The following UTP20 variants were observed in gnomAD, a reference collection of about 807,000 sequenced individuals.
The protein encoded by UTP20 is small subunit processome component 20 homolog.
UTP20 carries 164 observed loss-of-function variants against 329.5 expected under a neutral mutation model. The ratio of observed to expected loss-of-function variants is 0.50; its 90% CI spans 0.44 to 0.57. The LOEUF is 0.57. Among genes scored for constraint, UTP20 ranks in the 20% least tolerant of loss-of-function variants. The probability of loss-of-function intolerance (pLI) is 0.00; values close to 1 mark genes in which losing one functional copy is unlikely to be tolerated. For missense variants in UTP20, 3,055 were observed against 3,284.2 expected (o/e 0.93, Z 1.71); for synonymous variants, 1,151 against 1,159.3 (o/e 0.99, Z 0.14).
At chr12:101,331,654 T>G (rs186775329) in intron 27 of UTP20, among the ~76,000 whole-genome samples, 2 of 152,338 alleles carry the variant, frequency 1.3e-5, no homozygotes, top group Non-Finnish European at 2.9e-5. Context: ...ATTATCAGAT[T>G]TTCATGATAA....
At position 101,295,650 on chromosome 12, in the gene UTP20, G is replaced by A. The variant is rs1872322757; in HGVS notation, c.1422G>A (p.Gln474=). 6.2e-7 allele frequency: 1 copy of A among 1,601,788 alleles called. No homozygotes were observed. Among genetic ancestry groups the A allele is most frequent in the African/African-American group, 1.3e-5 (1 of 74,758 alleles). The change falls in exon 12 of 62, where the codon CAG becomes CAA. Residue 474 remains glutamine (Q), a synonymous_variant. Transcript: ENST00000261637. The part of the protein sequence containing the change: ...IEKYPLVFSP[Q]MVGFYIKQKK... ...AGTACCCTCTGGTTTTCTCACCGCA[G>A]ATGGTGGGGTGAGTTCTAACTTTTT...
At chr12:101,359,611 G>A (rs980230568) in intron 43 of UTP20, among the ~76,000 whole-genome samples, 1 of 151,890 alleles carries the variant, frequency 6.6e-6, no homozygotes, top group African/African-American at 2.4e-5. Context: ...TTCTGCAATT[G>A]AGCTCATCCA....
intron 58 of UTP20, among the ~76,000 whole-genome samples, 193 bp downstream of exon 58, chr12:101,381,404 G>A (rs557878539): frequency 2.0e-5 from 3 of 152,188 alleles, no homozygotes; most frequent in Admixed American, 2.0e-4. Context: ...GCATGGTTGC[G>A]GGTGCCTGTA....
intron 12 of UTP20, among the ~76,000 whole-genome samples, chr12:101,298,936 G>T (rs1406390713): frequency 6.6e-6 from 1 of 151,490 alleles, no homozygotes; most frequent in Non-Finnish European, 1.5e-5. Context: ...TGATAAAAAG[G>T]GTGCAAGAGT....
chr12:101,383,519 GA>G, intron 59 of UTP20, 23 bp from the exon 60 acceptor site: 2 of 1,604,174 alleles, frequency 1.2e-6, no homozygotes, highest in Admixed American at 1.7e-5. Flanking sequence ...TCTTTCAAAT[GA>G]AAAAAATGAT....
chr12:101,383,849 C>T (rs943628235), intron 60 of UTP20, among the ~76,000 whole-genome samples, 180 bp downstream of exon 60: 8 of 149,472 alleles, frequency 5.4e-5, no homozygotes, highest in Admixed American at 5.3e-4. Flanking sequence ...TATACACACA[C>T]ACACACACAC....
At chr12:101,284,729 T>C (rs966767574) in intron 2 of UTP20, among the ~76,000 whole-genome samples, 1 of 152,142 alleles carries the variant, frequency 6.6e-6, no homozygotes, top group African/African-American at 2.4e-5. Flanking sequence ...TTAAGTAACA[T>C]AGTGGTAAAC....
chr12:101,317,148 C>A (rs1872996827), intron 21 of UTP20, among the ~76,000 whole-genome samples: 1 of 152,214 alleles, frequency 6.6e-6, no homozygotes, highest in Non-Finnish European at 1.5e-5. Flanking sequence ...CATTTAATAT[C>A]ATCCATCCCT....
intron 2 of UTP20, among the ~76,000 whole-genome samples, chr12:101,283,866 G>T (rs982575125): frequency 7.9e-5 from 12 of 151,756 alleles, no homozygotes; most frequent in Non-Finnish European, 1.6e-4. Context: ...AATTTAATGG[G>T]ATTCTCTTTC....
At position 101,338,956 on chromosome 12, in the gene UTP20, A is replaced by G. The variant is rs1869030282; in HGVS notation, c.4012A>G (p.Lys1338Glu). ...QVSKELGILS[K>E]ISKFMKDKEQ... ...CAGTAAAGAGCTTGGCATTCTTTCA[A>G]AGTAAGTGATATGTTGATACTTAAA... Residue 1338 changes from lysine to glutamate, a missense_variant and splice_region_variant, in exon 31 of 62, where the codon AAG (lysine) becomes GAG (glutamate). Physicochemically the swap from Lys to Glu is moderately conservative, Grantham distance 56 (BLOSUM62 1). This residue lies in a region of UTP20 where 2,445 missense variants were observed against 2,575.5 expected (regional missense o/e 0.95). Transcript: ENST00000261637. 6.3e-7 allele frequency: 1 copy of G among 1,589,178 alleles called. No individual in the cohort carries two copies.
intron 38 of UTP20, among the ~76,000 whole-genome samples, chr12:101,351,742 T>C (rs1231375516): frequency 6.6e-6 from 1 of 152,018 alleles, no homozygotes; most frequent in Non-Finnish European, 1.5e-5. Flanking sequence ...AGTAGCACAA[T>C]ATATAGTTTT....
At chr12:101,374,191 C>T (rs1469836071) in intron 54 of UTP20, among the ~76,000 whole-genome samples, 2 of 150,370 alleles carry the variant, frequency 1.3e-5, no homozygotes, top group Admixed American at 6.6e-5. Flanking sequence ...GCCGAGGTCC[C>T]GCCACTGCAC....
chr12:101,356,744 T>G (rs1869736475), intron 42 of UTP20, 51 bp downstream of exon 42: 4 of 1,572,774 alleles, frequency 2.5e-6, no homozygotes, highest in Middle Eastern at 1.7e-4. Context: ...AATTGGTTCT[T>G]TTCTTCCTTA....
chr12:101,319,057 A>C (rs1248576415), intron 22 of UTP20, among the ~76,000 whole-genome samples: 1 of 152,166 alleles, frequency 6.6e-6, no homozygotes, highest in Non-Finnish European at 1.5e-5. Flanking sequence ...CCACAGTCTG[A>C]AAATATTCAG....
chr12:101,370,037 G>C (rs1870233253), intron 49 of UTP20, 146 bp downstream of exon 49: 2 of 622,764 alleles, frequency 3.2e-6, no homozygotes, highest in East Asian at 6.0e-5. Context: ...AGCATAACGA[G>C]ACCCCGTGTC....
At chr12:101,380,051 T>C (rs1454634859) in intron 57 of UTP20, among the ~76,000 whole-genome samples, 1 of 152,160 alleles carries the variant, frequency 6.6e-6, no homozygotes, top group East Asian at 1.9e-4. Flanking sequence ...AATAACCTTG[T>C]TGATGATGTA....
At chr12:101,346,415 A>G in intron 37 of UTP20, 36 bp from the exon 38 acceptor site, 2 of 1,554,484 alleles carry the variant, frequency 1.3e-6, no homozygotes, top group African/African-American at 2.8e-5. Flanking sequence ...AGGTGAGATT[A>G]TTCGGTAACT....
chr12:101,327,214 C>CAGATA lies in UTP20; in HGVS notation c.3175_3176insAGATA (p.Leu1059GlnfsTer8), dbSNP rs1868592429. On this transcript the variant is annotated frameshift_variant, in exon 26 of 62. Coordinates refer to ENST00000261637, the MANE Select transcript of UTP20 (RefSeq NM_014503.3). LOFTEE classifies it high-confidence loss of function. ...TGAGGAGATCCAGATATTCTTAGAC[C>CAGATA]TGCTGTTTGAACCTGTGAGGCATTT... 6.2e-7 allele frequency: 1 copy of CAGATA among 1,605,760 alleles called. No homozygotes were observed. The highest frequency in any genetic ancestry group is 8.5e-7 in the Non-Finnish European group (1 of 1,173,366).
Position 101,317,661 on chromosome 12 carries a change from AAAGT to A in UTP20, c.2738+3_2738+6del, listed in dbSNP as rs1565792307. On this transcript the variant is annotated splice_donor_variant and coding_sequence_variant, in exon 22 of 62. Coordinates refer to ENST00000261637, the MANE Select transcript of UTP20 (RefSeq NM_014503.3). LOFTEE classifies it high-confidence loss of function. ...AGAAAAAGACGAGGAGAGCTGCAGC[AAAGT>A]AAGTTCACCATTGCTGAAAGATCAC... The A allele has an allele frequency of 6.2e-7, 1 of 1,605,908 alleles. No individual in the cohort carries two copies. The highest frequency in any genetic ancestry group is 8.5e-7 in the Non-Finnish European group (1 of 1,176,478).
Sources: allele counts gnomAD v4.1 joint callset (sites outside exome capture counted in the v4.1 genomes callset), GRCh38; gene constraint gnomAD v4.1.1; regional missense constraint gnomAD v4.1.1; transcripts MANE v1.5; gene names NCBI Gene and HGNC (gene_info 2026-07-23, HGNC 2026-07-21).